The following UVRAG variants were observed in gnomAD, a reference collection of about 807,000 sequenced individuals.
UVRAG encodes the protein UV radiation resistance associated.
In UVRAG, 19 loss-of-function variants were observed where a neutral mutation model predicts 78.0. The observed-to-expected ratio is 0.24, with a 90% CI of 0.17 to 0.36. The LOEUF is 0.36. Ranked by LOEUF, UVRAG falls within the 10% of genes least tolerant of loss-of-function variation. UVRAG has a pLI of 1.00. For missense variants in UVRAG, 740 were observed against 853.8 expected (o/e 0.87, Z 1.66); for synonymous variants, 323 against 324.6 (o/e 1.00, Z 0.05).
intron 3 of UVRAG, among the ~76,000 whole-genome samples, chr11:75,862,510 C>G (rs571303684): frequency 6.6e-6 from 1 of 152,290 alleles, no homozygotes; most frequent in South Asian, 2.1e-4. Context: ...CACCTCATCT[C>G]CTCCTCTTTT....
intron 12 of UVRAG, among the ~76,000 whole-genome samples, chr11:76,058,373 C>A (rs913589373): frequency 1.3e-5 from 2 of 151,602 alleles, no homozygotes; most frequent in Non-Finnish European, 2.9e-5. Context: ...TCTATCCTCC[C>A]GTGCAAAAAG....
chr11:76,013,791 T>C (rs538043866), intron 11 of UVRAG, among the ~76,000 whole-genome samples: 1 of 152,178 alleles, frequency 6.6e-6, no homozygotes, highest in Non-Finnish European at 1.5e-5. Context: ...GGTTTTCCTT[T>C]TGAGGGTATT....
chr11:75,867,673 A>G (rs1188438345), intron 3 of UVRAG, among the ~76,000 whole-genome samples: 1 of 152,212 alleles, frequency 6.6e-6, no homozygotes, highest in Non-Finnish European at 1.5e-5. Flanking sequence ...GAATATGCAT[A>G]TGGTCAGCTA....
intron 7 of UVRAG, among the ~76,000 whole-genome samples, chr11:75,973,825 G>A (rs112658351): frequency 0.089 from 13,593 of 152,174 alleles, 1,338 homozygotes; most frequent in African/African-American, 0.25. Flanking sequence ...CTGTCCTTGC[G>A]ATAGTTTGCT....
rs1995894 is a variant in UVRAG, at chr11:75,935,322, A to G, written c.593+23283A>G. Among the ~76,000 whole-genome samples, 258 of 152,322 alleles carry G rather than the reference A, an allele frequency of 1.7e-3. 1 individual carries two copies. The highest frequency in any genetic ancestry group is 6.0e-3 in the African/African-American group (249 of 41,570). ...TTCTCCAAGGTCAGTGGAATTGTATATTTATTATCACATTTGTGACATGAA... is the reference window on the plus strand; with the variant it reads ...TTCTCCAAGGTCAGTGGAATTGTATGTTTATTATCACATTTGTGACATGAA... On this transcript the variant is annotated intron_variant, in intron 6 of 14. Transcript: ENST00000356136.
chr11:76,139,480 G>T (rs187699604), intron 14 of UVRAG, among the ~76,000 whole-genome samples: 437 of 152,312 alleles, frequency 2.9e-3, no homozygotes, highest in African/African-American at 0.01. Context: ...TTGGGTGTGT[G>T]TAGTTTCAAG....
At chr11:75,962,580 A>G (rs1221082518) in intron 7 of UVRAG, among the ~76,000 whole-genome samples, 3 of 152,168 alleles carry the variant, frequency 2.0e-5, no homozygotes, top group Non-Finnish European at 4.4e-5. Context: ...AGTAATTCTT[A>G]TTATTCACTT....
chr11:75,882,373 C>T (rs1326397368), intron 4 of UVRAG, among the ~76,000 whole-genome samples: 1 of 151,894 alleles, frequency 6.6e-6, no homozygotes, highest in African/African-American at 2.4e-5. Context: ...ATTAACTGGG[C>T]ACAGCGGCAT....
At chr11:76,121,133 A>T (rs1410333709) in intron 14 of UVRAG, among the ~76,000 whole-genome samples, 1 of 152,234 alleles carries the variant, frequency 6.6e-6, no homozygotes, top group Non-Finnish European at 1.5e-5. Context: ...GCTGTGATAA[A>T]AATCCTCTTA....
chr11:75,865,653 C>T (rs11236567), intron 3 of UVRAG, among the ~76,000 whole-genome samples: 8,173 of 150,486 alleles, frequency 0.054, 698 homozygotes, highest in Admixed American at 0.24. Context: ...TTGCTCTTGT[C>T]GCCCAGGCTG....
At chr11:75,985,382 C>T (rs1949479687) in intron 8 of UVRAG, among the ~76,000 whole-genome samples, 1 of 151,666 alleles carries the variant, frequency 6.6e-6, no homozygotes, top group Non-Finnish European at 1.5e-5. Context: ...GAATCTTTTG[C>T]CCATTAATAA....
rs77216225 is a variant in UVRAG at position 76,065,463 on chromosome 11, G to A, written c.1227-247G>A. Among the ~76,000 whole-genome samples, 535 of 152,288 alleles carry A rather than the reference G, an allele frequency of 3.5e-3. 3 individuals are homozygous for A. Among genetic ancestry groups the A allele is most frequent in the African/African-American group, 0.012 (508 of 41,552 alleles). The stretch of plus-strand genomic sequence containing the variant: ...GGCCTCAACTCCTTGGGGTGGGTTG[G>A]TCACTTTCTTAAACATTAGTTCCTT... On this transcript the variant is annotated intron_variant, in intron 12 of 14. Transcript: ENST00000356136.
intron 12 of UVRAG, among the ~76,000 whole-genome samples, chr11:76,050,402 A>G (rs1950841736): frequency 6.6e-6 from 1 of 152,190 alleles, no homozygotes; most frequent in South Asian, 2.1e-4. Context: ...CATTTGTTTA[A>G]TCATTCATTT....
chr11:75,938,316 G>T (rs926834790), intron 6 of UVRAG, among the ~76,000 whole-genome samples: 20 of 152,014 alleles, frequency 1.3e-4, no homozygotes, highest in African/African-American at 4.8e-4. Context: ...TACTGATTCT[G>T]TCATCTCTAG....
intron 12 of UVRAG, among the ~76,000 whole-genome samples, chr11:76,026,709 G>A (rs1472222102): frequency 3.3e-5 from 5 of 152,094 alleles, no homozygotes. Context: ...TTGACTTGAG[G>A]CAGTGGAAAA....
chr11:75,873,811 T>C (rs771458261), intron 3 of UVRAG, among the ~76,000 whole-genome samples: 3 of 152,192 alleles, frequency 2.0e-5, no homozygotes, highest in Non-Finnish European at 4.4e-5. Context: ...CCATTACTCA[T>C]GTAAGGTAGA....
intron 9 of UVRAG, 41 bp from the exon 10 acceptor site, chr11:76,007,493 C>A: frequency 1.4e-6 from 2 of 1,439,056 alleles, no homozygotes; most frequent in Non-Finnish European, 1.9e-6. Context: ...AGCATGCAAG[C>A]ATATATTTTT....
chr11:76,064,594 C>T (rs1951153509), intron 12 of UVRAG, among the ~76,000 whole-genome samples: 1 of 152,150 alleles, frequency 6.6e-6, no homozygotes, highest in African/African-American at 2.4e-5. Flanking sequence ...CAGGACCTTG[C>T]TCAGTCCCCA....
intron 13 of UVRAG, among the ~76,000 whole-genome samples, chr11:76,080,502 AATAT>A (rs199702854): frequency 4.6e-5 from 7 of 151,396 alleles, no homozygotes; most frequent in African/African-American, 1.7e-4. Context: ...TTTATAATAG[AATAT>A]ATATATATAA....
Sources: allele counts gnomAD v4.1 joint callset (sites outside exome capture counted in the v4.1 genomes callset), GRCh38; gene constraint gnomAD v4.1.1; transcripts MANE v1.5; gene names NCBI Gene and HGNC (gene_info 2026-07-23, HGNC 2026-07-21).